The following IFNAR1 variants were observed in gnomAD, a reference collection of about 807,000 sequenced individuals.
IFNAR1 encodes the protein interferon alpha and beta receptor subunit 1.
In IFNAR1, 47 loss-of-function variants were observed where a neutral mutation model predicts 62.1. The observed-to-expected ratio is 0.76, with a 90% CI of 0.60 to 0.97. The LOEUF (loss-of-function observed/expected upper bound fraction) is 0.97, where lower values mean the gene tolerates loss of function less well. Ranked by LOEUF, IFNAR1 falls within the 50% of genes least tolerant of loss-of-function variation. The pLI is 0.00. For synonymous variants in IFNAR1, 219 were observed against 226.9 expected (o/e 0.97, Z 0.31); for missense variants, 638 against 654.5 (o/e 0.97, Z 0.27).
chr21:33,329,215 T>G (rs933274950), intron 1 of IFNAR1, among the ~76,000 whole-genome samples: 8 of 152,176 alleles, frequency 5.3e-5, no homozygotes, highest in African/African-American at 1.9e-4. Context: ...ATTACTAGAA[T>G]TATAATATTC....
intron 8 of IFNAR1, 142 bp from the exon 9 acceptor site, chr21:33,352,616 C>T: frequency 2.0e-6 from 1 of 501,244 alleles, no homozygotes; most frequent in Non-Finnish European, 3.6e-6. Flanking sequence ...AAAAACAAAA[C>T]AAAACAAAAC....
At chr21:33,331,374 C>A (rs149547652) in intron 1 of IFNAR1, among the ~76,000 whole-genome samples, 338 of 152,266 alleles carry the variant, frequency 2.2e-3, no homozygotes, top group Middle Eastern at 0.01. Context: ...TCACTCCCTG[C>A]AGAATCAGTG....
chr21:33,334,700 C>T, intron 1 of IFNAR1: 1 of 854,530 alleles, frequency 1.2e-6, no homozygotes, highest in South Asian at 1.3e-5. Context: ...AGTCAGCTGC[C>T]ACCTTCCCTG....
At chr21:33,327,219 A>G (rs954346428) in intron 1 of IFNAR1, among the ~76,000 whole-genome samples, 1 of 152,144 alleles carries the variant, frequency 6.6e-6, no homozygotes, top group African/African-American at 2.4e-5. Context: ...TGATGTGAAA[A>G]AAGCTTTCCC....
chr21:33,337,032 T>G (rs1223129979), intron 2 of IFNAR1, among the ~76,000 whole-genome samples: 2 of 152,100 alleles, frequency 1.3e-5, no homozygotes, highest in African/African-American at 4.8e-5. Context: ...ATTACAGGCG[T>G]GAGCCACTGC....
intron 1 of IFNAR1, among the ~76,000 whole-genome samples, chr21:33,326,089 T>C (rs2083123840): frequency 6.6e-6 from 1 of 152,212 alleles, no homozygotes; most frequent in South Asian, 2.1e-4. Context: ...TCAATGAGAT[T>C]GTAATGTTGC....
At chr21:33,352,589 C>A (rs1393991990) in intron 8 of IFNAR1, among the ~76,000 whole-genome samples, 169 bp from the exon 9 acceptor site, 1 of 151,578 alleles carries the variant, frequency 6.6e-6, no homozygotes, top group Non-Finnish European at 1.5e-5. Flanking sequence ...GGTGACAGAG[C>A]GAGACTGTCT....
intron 8 of IFNAR1, among the ~76,000 whole-genome samples, chr21:33,352,141 G>A (rs2083404060): frequency 6.6e-6 from 1 of 152,036 alleles, no homozygotes. Context: ...GCAGTTTGAG[G>A]CCAAAACCCC....
Position 33,355,563 on chromosome 21 carries a change from G to T in IFNAR1, c.*14G>T. On this transcript the variant is annotated 3_prime_UTR_variant, in exon 11 of 11. Coordinates refer to ENST00000270139, the MANE Select transcript of IFNAR1 (RefSeq NM_000629.3). ...GACTTTGTATGACCAGAAATGAACT[G>T]TGTCAAGTATAAGGTTTTTCAGCAG... The T allele has an allele frequency of 7.0e-7, 1 of 1,435,656 alleles. No homozygotes were observed. Among genetic ancestry groups the T allele is most frequent in the Non-Finnish European group, 9.6e-7 (1 of 1,046,214 alleles). 88.9% of individuals were successfully genotyped at this position (1,435,656 alleles called of 1,614,324 possible).
At position 33,345,237 on chromosome 21, in the gene IFNAR1, G is replaced by A. The variant is rs1180344448; in HGVS notation, c.674-9G>A. On this transcript the variant is annotated splice_polypyrimidine_tract_variant and intron_variant, in intron 5 of 10. Transcript: ENST00000270139. ...GTGTGCTTTTTTTTATCTGTTCTTT[G>A]GCTTCTAGTTGAAAATGAACTACCT... is the stretch of plus-strand genomic sequence containing the variant. 1.5e-6 allele frequency: 2 copies of A among 1,321,282 alleles called. No individual in the cohort carries two copies. Among genetic ancestry groups the A allele is most frequent in the South Asian group, 1.2e-5 (1 of 82,706 alleles). The allele number at this position is 1,321,282 out of a possible 1,614,324, so 81.8% of individuals were successfully genotyped here.
At chr21:33,340,526 G>A (rs756654925) in intron 2 of IFNAR1, among the ~76,000 whole-genome samples, 1 of 148,902 alleles carries the variant, frequency 6.7e-6, no homozygotes, top group Non-Finnish European at 1.5e-5. Context: ...GCCCTGCTTT[G>A]CCTTTTTTTT....
chr21:33,353,872 G>C, intron 10 of IFNAR1, 89 bp downstream of exon 10: 1 of 854,234 alleles, frequency 1.2e-6, no homozygotes, highest in South Asian at 1.7e-5. Flanking sequence ...AGGTTTTCTT[G>C]ATATCCAGAA....
chr21:33,338,531 CA>C (rs767390109), intron 2 of IFNAR1, among the ~76,000 whole-genome samples: 17 of 116,072 alleles, frequency 1.5e-4, no homozygotes, highest in Non-Finnish European at 2.1e-4. Flanking sequence ...GACTTCATCT[CA>C]AAAAAAAAAA....
At chr21:33,325,854 A>G (rs2856969) in intron 1 of IFNAR1, among the ~76,000 whole-genome samples, 57,897 of 152,012 alleles carry the variant, frequency 0.38, 11,197 homozygotes, top group Middle Eastern at 0.46. Flanking sequence ...CTCTGGGTAG[A>G]TGGAGTCTTG....
chr21:33,331,287 T>C (rs1046013405), intron 1 of IFNAR1, among the ~76,000 whole-genome samples: 1 of 152,062 alleles, frequency 6.6e-6, no homozygotes, highest in Non-Finnish European at 1.5e-5. Flanking sequence ...GCTGAAGTGG[T>C]ATACGGCATT....
At chr21:33,324,716 A>G, upstream of IFNAR1, 1 of 344,924 alleles carries the variant, frequency 2.9e-6, no homozygotes, top group Non-Finnish European at 5.5e-6. Flanking sequence ...GAAGTGCTCC[A>G]GACCGGCCAT....
Position 33,357,761 on chromosome 21 carries a change from C to T in IFNAR1, c.*2212C>T, listed in dbSNP as rs1163347773. 6.6e-6 allele frequency: 1 copy of T among 152,282 alleles called. No individual in the cohort carries two copies. The highest frequency in any genetic ancestry group is 2.4e-5 in the African/African-American group (1 of 41,416). The allele number at this position is 152,282 out of a possible 1,614,324, so 9.4% of individuals were successfully genotyped here. Reference sequence around the variant, plus strand: ...GTCAGGCTGGTCTTGGACTCCTGACCTCATGCTCCACCCGCTTCGGCCTCC... The same window carrying T: ...GTCAGGCTGGTCTTGGACTCCTGACTTCATGCTCCACCCGCTTCGGCCTCC... On this transcript the variant is annotated 3_prime_UTR_variant, in exon 11 of 11. Coordinates refer to ENST00000270139, the MANE Select transcript of IFNAR1 (RefSeq NM_000629.3).
rs773839877 is a variant in IFNAR1, at chr21:33,343,563, A to G, written c.560A>G (p.His187Arg). Residue 187 changes from histidine (H) to arginine (R), a missense_variant, in exon 5 of 11, where the codon CAT (histidine) becomes CGT (arginine). Transcript: ENST00000270139. ...AGGATTGAAAATATTTATTCCAGAC[A>G]TAAAATTTATAAACTCTCACCAGAG... ...EERIENIYSR[H>R]KIYKLSPETT... The G allele has an allele frequency of 6.5e-7, 1 of 1,542,486 alleles. No individual in the cohort carries two copies. The highest frequency in any genetic ancestry group is 9.0e-7 in the Non-Finnish European group (1 of 1,117,270).
chr21:33,329,804 A>G (rs1601852638), intron 1 of IFNAR1, among the ~76,000 whole-genome samples: 1 of 152,346 alleles, frequency 6.6e-6, no homozygotes, highest in Non-Finnish European at 1.5e-5. Context: ...AGCGATATAA[A>G]TTCTGCCCTT....
Sources: allele counts gnomAD v4.1 joint callset (sites outside exome capture counted in the v4.1 genomes callset), GRCh38; gene constraint gnomAD v4.1.1; transcripts MANE v1.5; gene names NCBI Gene and HGNC (gene_info 2026-07-23, HGNC 2026-07-21).